GLRA3: variants seen among roughly 807,000 people sequenced by gnomAD.
GLRA3 encodes glycine receptor subunit alpha-3.
In GLRA3, 44 loss-of-function variants were observed where a neutral mutation model predicts 60.4. The observed-to-expected ratio is 0.73, with a 90% CI of 0.57 to 0.94. The LOEUF (loss-of-function observed/expected upper bound fraction) is 0.94, where lower values mean the gene tolerates loss of function less well. GLRA3 is among the 40% of genes least tolerant of loss of function. The pLI is 0.00. For missense variants in GLRA3, 508 were observed against 564.6 expected, an observed-to-expected ratio of 0.90 and a Z score of 1.02; for synonymous variants, 223 against 192.9, an observed-to-expected ratio of 1.16 and a Z score of -1.29.
rs192851769 is a variant in GLRA3 at position 174,653,077 on chromosome 4, A to T, written c.1116+3666T>A. On this transcript the variant is annotated intron_variant, in intron 9 of 9. Coordinates refer to ENST00000274093, the MANE Select transcript of GLRA3 (RefSeq NM_006529.4). ...TAAAGTATTAAATAGATTATTCCAA[A>T]TGTCTTTTTGCCAAATACTTTTTTG... Among the ~76,000 whole-genome samples, 25 of 152,240 alleles carry T rather than the reference A, an allele frequency of 1.6e-4. No homozygotes were observed. In the East Asian group the frequency reaches 4.8e-3, roughly 29 times the overall value.
At chr4:174,756,801 C>A (rs1461542107) in intron 3 of GLRA3, among the ~76,000 whole-genome samples, 2 of 152,090 alleles carry the variant, frequency 1.3e-5, no homozygotes, top group Non-Finnish European at 2.9e-5. Flanking sequence ...CCCGTCACCT[C>A]CCCTGGCTAA....
rs548433834 is a variant in GLRA3 at position 174,741,293 on chromosome 4, G to C, written c.268-12595C>G. 5.9e-5 allele frequency among the ~76,000 whole-genome samples: 9 copies of C among 152,246 alleles called. No individual in the cohort carries two copies. In the South Asian group the frequency reaches 1.7e-3, roughly 28 times the overall value. The stretch of plus-strand genomic sequence containing the variant: ...TTTCACCTTTTCTAATATGTGTGTA[G>C]TTGTTCTCATTGTGGTTTTAATTTG... On this transcript the variant is annotated intron_variant, in intron 3 of 9. Transcript: ENST00000274093.
chr4:174,757,534 CAG>C (rs1311684934), intron 3 of GLRA3, among the ~76,000 whole-genome samples: 1 of 152,160 alleles, frequency 6.6e-6, no homozygotes, highest in African/African-American at 2.4e-5. Context: ...GTCAGAGACA[CAG>C]AAGCTAAGGG....
chr4:174,814,567 A>G (rs1740407499), intron 1 of GLRA3, among the ~76,000 whole-genome samples: 1 of 152,210 alleles, frequency 6.6e-6, no homozygotes, highest in Non-Finnish European at 1.5e-5. Flanking sequence ...GCAATTTACA[A>G]AAGAAAGAGT....
intron 3 of GLRA3, among the ~76,000 whole-genome samples, chr4:174,759,574 A>C (rs1737859276): frequency 6.6e-6 from 1 of 152,116 alleles, no homozygotes; most frequent in Non-Finnish European, 1.5e-5. Context: ...GATAATTCTA[A>C]ACTTTATGAA....
intron 7 of GLRA3, among the ~76,000 whole-genome samples, chr4:174,667,339 C>T (rs1326790844): frequency 1.3e-5 from 2 of 152,002 alleles, no homozygotes; most frequent in African/African-American, 4.8e-5. Flanking sequence ...CCTTCTGAAA[C>T]AAGAATCCTC....
chr4:174,638,377 C>G lies in GLRA3; in HGVS notation c.*5409G>C, dbSNP rs983392615. 6.6e-6 allele frequency: 1 copy of G among 152,212 alleles called. No homozygotes were observed. The highest frequency in any genetic ancestry group is 1.5e-5 in the Non-Finnish European group (1 of 68,082). 9.4% of individuals were successfully genotyped at this position (152,212 alleles called of 1,614,324 possible). ...GTGCGATCTTGGCTCACTGCAACCT[C>G]CATCTCCTGGGCTCAAGCCATTCTT... On this transcript the variant is annotated 3_prime_UTR_variant, in exon 10 of 10. Transcript: ENST00000274093.
At chr4:174,701,703 C>T (rs1401119439) in intron 5 of GLRA3, among the ~76,000 whole-genome samples, 2 of 152,118 alleles carry the variant, frequency 1.3e-5, no homozygotes, top group Admixed American at 6.5e-5. Context: ...GTAATATCAA[C>T]ATTAACAGGA....
intron 5 of GLRA3, among the ~76,000 whole-genome samples, chr4:174,700,513 C>G (rs757035165): frequency 2.0e-5 from 3 of 152,082 alleles, no homozygotes; most frequent in Non-Finnish European, 2.9e-5. Flanking sequence ...TTAATAACTA[C>G]GAAGACCTTT....
intron 3 of GLRA3, among the ~76,000 whole-genome samples, chr4:174,762,450 T>G (rs1282505911): frequency 6.6e-6 from 1 of 152,134 alleles, no homozygotes; most frequent in East Asian, 1.9e-4. Flanking sequence ...CTGCTTATCA[T>G]CTCAGTGATT....
At chr4:174,756,442 T>A (rs529403815) in intron 3 of GLRA3, among the ~76,000 whole-genome samples, 82 of 152,216 alleles carry the variant, frequency 5.4e-4, no homozygotes, top group African/African-American at 1.9e-3. Flanking sequence ...CAAGAAGGAT[T>A]TACTACTTGG....
chr4:174,717,050 A>ATT (rs1169222285), intron 4 of GLRA3, among the ~76,000 whole-genome samples: 1 of 150,676 alleles, frequency 6.6e-6, no homozygotes, highest in African/African-American at 2.4e-5. Context: ...ATATATATAT[A>ATT]TATATATTTT....
At chr4:174,665,698 C>CT (rs1733642340) in intron 7 of GLRA3, among the ~76,000 whole-genome samples, 1 of 152,162 alleles carries the variant, frequency 6.6e-6, no homozygotes. Flanking sequence ...ACATTATCCA[C>CT]TTATGTATCT....
chr4:174,715,927 T>C (rs898689489), intron 4 of GLRA3, among the ~76,000 whole-genome samples: 25 of 152,222 alleles, frequency 1.6e-4, no homozygotes, highest in African/African-American at 6.0e-4. Flanking sequence ...TGTGGATGTC[T>C]AGAAAATGTC....
At chr4:174,764,541 C>T (rs569802455) in intron 3 of GLRA3, among the ~76,000 whole-genome samples, 10,998 of 62,176 alleles carry the variant, frequency 0.18, 627 homozygotes, top group Admixed American at 0.36. Context: ...TCAGCCTGTG[C>T]GACAGACTCC....
Position 174,728,636 on chromosome 4 carries a change from T to C in GLRA3, c.330A>G (p.Glu110=), listed in dbSNP as rs1168861472. 1.9e-6 allele frequency: 3 copies of C among 1,612,258 alleles called. No individual in the cohort carries two copies. Among genetic ancestry groups the C allele is most frequent in the Admixed American group, 1.7e-5 (1 of 60,004 alleles). The change falls in exon 4 of 10, where the codon GAA becomes GAG. Residue 110 remains glutamate (E), a synonymous_variant. Transcript: ENST00000274093. ...KWNDPRLAYS[E]YPDDSLDLDP... ...CGAGGTCTAAAGAGTCGTCAGGATATTCACTGTACGCGAGGCGGGGATCAT... is the reference window on the plus strand; with the variant it reads ...CGAGGTCTAAAGAGTCGTCAGGATACTCACTGTACGCGAGGCGGGGATCAT...
At chr4:174,726,687 C>T (rs1011304873) in intron 4 of GLRA3, among the ~76,000 whole-genome samples, 1 of 152,156 alleles carries the variant, frequency 6.6e-6, no homozygotes, top group African/African-American at 2.4e-5. Flanking sequence ...ACACAGCCAG[C>T]CTGTGCTTAT....
At chr4:174,644,482 T>G (rs1360461701) in intron 9 of GLRA3, among the ~76,000 whole-genome samples, 2 of 151,256 alleles carry the variant, frequency 1.3e-5, no homozygotes, top group Non-Finnish European at 2.9e-5. Context: ...ATTGACTGAA[T>G]TTTTCTTTCT....
At chr4:174,645,449 T>C (rs1254974508) in intron 9 of GLRA3, among the ~76,000 whole-genome samples, 1 of 150,228 alleles carries the variant, frequency 6.7e-6, no homozygotes, top group Non-Finnish European at 1.5e-5. Flanking sequence ...GAAAATGATG[T>C]TGGTTCTGTG....
Sources: gnomAD v4.1 joint callset for allele counts (sites outside exome capture counted in the v4.1 genomes callset) on GRCh38, gnomAD v4.1.1 for gene constraint, MANE v1.5 for transcripts, NCBI Gene and HGNC (gene_info 2026-07-23, HGNC 2026-07-21) for gene names.